FAM135A: variants seen among roughly 807,000 people sequenced by gnomAD.
The protein encoded by FAM135A is protein FAM135A.
A neutral mutation model predicts 146.8 loss-of-function variants in FAM135A; 79 were observed. The ratio of observed to expected loss-of-function variants is 0.54; its 90% CI spans 0.45 to 0.65. FAM135A has a LOEUF of 0.65. FAM135A is among the 30% of genes least tolerant of loss of function. The probability of loss-of-function intolerance (pLI) is 0.00; values close to 1 mark genes in which losing one functional copy is unlikely to be tolerated. For missense variants in FAM135A, 1,623 were observed against 1,758.2 expected, an observed-to-expected ratio of 0.92 and a Z score of 1.38; for synonymous variants, 562 against 603.6, an observed-to-expected ratio of 0.93 and a Z score of 1.01.
intron 20 of FAM135A, among the ~76,000 whole-genome samples, chr6:70,547,249 A>T (rs926237102): frequency 6.6e-6 from 1 of 152,194 alleles, no homozygotes; most frequent in Non-Finnish European, 1.5e-5. Flanking sequence ...CACTTTTGAT[A>T]TGTAAATAAT....
intron 20 of FAM135A, among the ~76,000 whole-genome samples, chr6:70,542,278 C>CACACACACACACACACACACA (rs1424633787): frequency 1.8e-4 from 19 of 106,742 alleles, no homozygotes; most frequent in African/African-American, 7.0e-4. Context: ...ACACACACAC[C>CACACACACACACACACACACA]CTTTGCTGTG....
intron 2 of FAM135A, among the ~76,000 whole-genome samples, chr6:70,419,555 T>C (rs1768316408): frequency 6.6e-6 from 1 of 152,244 alleles, no homozygotes; most frequent in African/African-American, 2.4e-5. Flanking sequence ...AGAACATCTC[T>C]CTGTTCCCAT....
At chr6:70,484,157 A>G (rs1354556024) in intron 10 of FAM135A, among the ~76,000 whole-genome samples, 10 of 152,156 alleles carry the variant, frequency 6.6e-5, no homozygotes, top group Admixed American at 6.6e-4. Context: ...CCTTTAAAGA[A>G]CTTTGACTTC....
chr6:70,540,413 C>T (rs912132101), intron 20 of FAM135A, among the ~76,000 whole-genome samples: 2 of 151,080 alleles, frequency 1.3e-5, no homozygotes, highest in African/African-American at 4.9e-5. Flanking sequence ...CAAGCTCCGC[C>T]TCCCGAGTTC....
intron 4 of FAM135A, among the ~76,000 whole-genome samples, chr6:70,442,619 G>A (rs1301853607): frequency 1.3e-5 from 2 of 151,780 alleles, no homozygotes; most frequent in Non-Finnish European, 2.9e-5. Flanking sequence ...CACAAAGGTA[G>A]CATAGGATAC....
chr6:70,481,019 T>C lies in FAM135A; in HGVS notation c.661T>C (p.Ser221Pro), dbSNP rs1783601860. 1.3e-6 allele frequency: 2 copies of C among 1,598,474 alleles called. No homozygotes were observed. The highest frequency in any genetic ancestry group is 1.3e-5 in the African/African-American group (1 of 74,242). ...TGGTATTAACTACACAAAACAGTTA[T>C]CACCAGATGTAAGAACTGAATATGT... ...VFGINYTKQLSPDGCSFIIAD... is the reference protein window; with the variant it reads ...VFGINYTKQLPPDGCSFIIAD... The change falls in exon 9 of 22, where the codon TCA becomes CCA. Residue 221 changes from serine (S) to proline (P), a missense_variant. Transcript: ENST00000418814.
intron 20 of FAM135A, among the ~76,000 whole-genome samples, chr6:70,556,252 AAATAAT>A (rs963991124): frequency 1.3e-5 from 2 of 152,126 alleles, no homozygotes; most frequent in African/African-American, 4.8e-5. Flanking sequence ...CTATCTCAAA[AAATAAT>A]AATAATAATT....
chr6:70,546,093 G>T (rs1274662703), intron 20 of FAM135A, among the ~76,000 whole-genome samples: 1 of 151,878 alleles, frequency 6.6e-6, no homozygotes, highest in East Asian at 1.9e-4. Flanking sequence ...TGTGAGAAAT[G>T]AGTAGTCCAT....
chr6:70,501,733 G>C (rs1788596093), intron 11 of FAM135A, among the ~76,000 whole-genome samples: 1 of 152,150 alleles, frequency 6.6e-6, no homozygotes, highest in South Asian at 2.1e-4. Flanking sequence ...TGGGGAGGGA[G>C]GTCCCCTGGC....
intron 12 of FAM135A, among the ~76,000 whole-genome samples, chr6:70,506,958 G>A (rs980314367): frequency 2.6e-5 from 4 of 151,774 alleles, no homozygotes; most frequent in Admixed American, 2.6e-4. Context: ...GGGTGGACTA[G>A]GAACAAGAAG....
rs554658620 is a variant in FAM135A at position 70,525,787 on chromosome 6, G to T, written c.2703G>T (p.Gly901=). Residue 901 remains glycine, a synonymous_variant, in exon 15 of 22, where the codon GGG becomes GGT. Coordinates refer to ENST00000418814, the MANE Select transcript of FAM135A (RefSeq NM_001162529.3). ...AACAGCAGAGTGTTGTATTTTCAGG[G>T]AACTTGGACAATGAAACTGTAGCAA... ...TLQQQSVVFS[G]NLDNETVAIH... 1.2e-6 allele frequency: 2 copies of T among 1,613,278 alleles called. No individual in the cohort carries two copies. Among genetic ancestry groups the T allele is most frequent in the African/African-American group, 2.7e-5 (2 of 75,016 alleles).
rs143752744 is a variant in FAM135A at position 70,525,282 on chromosome 6, G to A, written c.2198G>A (p.Arg733Gln). Residue 733 changes from arginine (R) to glutamine (Q), a missense_variant, in exon 15 of 22, where the codon CGA becomes CAA. This residue lies in a region of FAM135A where 1,061 missense variants were observed against 1,113.8 expected (regional missense o/e 0.95). Coordinates refer to ENST00000418814, the MANE Select transcript of FAM135A (RefSeq NM_001162529.3). The stretch of plus-strand genomic sequence containing the variant: ...ATTGGAGAATCATTAACTAAATTAC[G>A]AAGTAATCTACCTGCCCCTTCTACA... ...LSIGESLTKL[R>Q]SNLPAPSTKE... 224 of 1,600,542 alleles carry A rather than the reference G, an allele frequency of 1.4e-4. No homozygotes were observed. The African/African-American group carries it at 2.6e-3, about 18-fold the overall frequency.
chr6:70,502,882 T>A (rs1788895938), intron 12 of FAM135A, 91 bp downstream of exon 12: 5 of 1,272,522 alleles, frequency 3.9e-6, no homozygotes, highest in Non-Finnish European at 5.4e-6. Context: ...TTTTTACCTA[T>A]ATATTGATAA....
intron 11 of FAM135A, among the ~76,000 whole-genome samples, chr6:70,495,798 C>T (rs2128230564): frequency 6.6e-6 from 1 of 152,188 alleles, no homozygotes; most frequent in South Asian, 2.1e-4. Flanking sequence ...GCCCCTCACC[C>T]CCTGACAGGC....
intron 4 of FAM135A, among the ~76,000 whole-genome samples, chr6:70,446,113 T>A (rs528319177): frequency 6.6e-6 from 1 of 152,360 alleles, no homozygotes; most frequent in Admixed American, 6.5e-5. Context: ...TAAGGTCAGG[T>A]GTACCTGGGA....
rs1485098020 is a variant in FAM135A at position 70,561,073 on chromosome 6, TGTAA to T, written c.*1156_*1159del. 1.3e-5 allele frequency: 2 copies of T among 152,592 alleles called. No individual in the cohort carries two copies. Among genetic ancestry groups the T allele is most frequent in the Admixed American group, 6.5e-5 (1 of 15,270 alleles). 9.5% of individuals were successfully genotyped at this position (152,592 alleles called of 1,614,324 possible). Reference sequence around the variant, plus strand: ...ACTAATTGTGACAGACAGAGGTTTTTGTAAGTATTTATTGTACAATTGATGCATG... The same window carrying T: ...ACTAATTGTGACAGACAGAGGTTTTTGTATTTATTGTACAATTGATGCATG... On this transcript the variant is annotated 3_prime_UTR_variant, in exon 22 of 22. Transcript: ENST00000418814.
Position 70,559,975 on chromosome 6 carries a change from T to C in FAM135A, c.*54T>C, listed in dbSNP as rs1403697505. 7.5e-7 allele frequency: 1 copy of C among 1,335,298 alleles called. No individual in the cohort carries two copies. The highest frequency in any genetic ancestry group is 1.5e-5 in the African/African-American group (1 of 68,458). 82.7% of individuals were successfully genotyped at this position (1,335,298 alleles called of 1,614,324 possible). ...TTACCTCATTCAACAATGTTTCAAA[T>C]AATGTATTATATTAAAATGTAGATG... On this transcript the variant is annotated 3_prime_UTR_variant, in exon 22 of 22. Coordinates refer to ENST00000418814, the MANE Select transcript of FAM135A (RefSeq NM_001162529.3).
chr6:70,419,324 C>T (rs1305477144), intron 2 of FAM135A, among the ~76,000 whole-genome samples: 2 of 151,780 alleles, frequency 1.3e-5, no homozygotes, highest in South Asian at 2.1e-4. Flanking sequence ...GAGGCTGAGG[C>T]GGGAGAGTCA....
intron 11 of FAM135A, 112 bp from the exon 12 acceptor site, chr6:70,502,524 C>A: frequency 8.9e-7 from 1 of 1,119,468 alleles, no homozygotes; most frequent in South Asian, 1.7e-5. Flanking sequence ...ATGCACATCT[C>A]TTTTTTTAAA....
Sources: allele counts gnomAD v4.1 joint callset (sites outside exome capture counted in the v4.1 genomes callset), GRCh38; gene constraint gnomAD v4.1.1; regional missense constraint gnomAD v4.1.1; transcripts MANE v1.5; gene names NCBI Gene and HGNC (gene_info 2026-07-23, HGNC 2026-07-21).